The following CSE1L variants were observed in gnomAD, a reference collection of about 807,000 sequenced individuals.
CSE1L encodes chromosome segregation 1 like, also known as exportin-2.
Under a neutral mutation model 120.4 loss-of-function variants are expected in CSE1L, and 24 were observed. The ratio of observed to expected loss-of-function variants is 0.20; its 90% CI spans 0.14 to 0.28. The LOEUF is 0.28. Among genes scored for constraint, CSE1L ranks in the 10% least tolerant of loss-of-function variants. The probability of loss-of-function intolerance (pLI) is 1.00; values close to 1 mark genes in which losing one functional copy is unlikely to be tolerated. For synonymous variants in CSE1L, 402 were observed against 398.3 expected, an observed-to-expected ratio of 1.01 and a Z score of -0.11; for missense variants, 830 against 1,145.2, an observed-to-expected ratio of 0.72 and a Z score of 3.97.
chr20:49,076,656 A>G (rs1009492897), intron 12 of CSE1L, among the ~76,000 whole-genome samples: 2 of 149,504 alleles, frequency 1.3e-5, no homozygotes, highest in African/African-American at 2.5e-5. Context: ...CAGCCTCCCG[A>G]GTAGCTAGAA....
intron 14 of CSE1L, among the ~76,000 whole-genome samples, chr20:49,081,127 G>A (rs544170929): frequency 6.6e-4 from 100 of 151,746 alleles, no homozygotes; most frequent in African/African-American, 2.3e-3. Flanking sequence ...GGGATTACAC[G>A]TGCCTGCCAC....
chr20:49,068,184 T>C (rs556321831), intron 6 of CSE1L, among the ~76,000 whole-genome samples: 1 of 152,262 alleles, frequency 6.6e-6, no homozygotes, highest in Non-Finnish European at 1.5e-5. Flanking sequence ...TATGCACAGA[T>C]TGGGAAGACG....
chr20:49,096,411 T>C lies in CSE1L; in HGVS notation c.2889T>C (p.Leu963=). The C allele has an allele frequency of 6.2e-7, 1 of 1,614,134 alleles. No individual in the cohort carries two copies. Among genetic ancestry groups the C allele is most frequent in the East Asian group, 2.2e-5 (1 of 44,888 alleles). ...AEALQYLQGY[L]QAASVTLL Reference sequence around the variant, plus strand: ...CGCTCCAGTATCTCCAAGGGTACCTTCAGGCAGCCAGTGTGACACTGCTTT... The same window carrying C: ...CGCTCCAGTATCTCCAAGGGTACCTCCAGGCAGCCAGTGTGACACTGCTTT... Residue 963 remains leucine (L), a synonymous_variant, in exon 25 of 25, where the codon CTT becomes CTC. Transcript: ENST00000262982.
At chr20:49,072,194 AT>A in intron 8 of CSE1L, 91 bp from the exon 9 acceptor site, 1 of 1,326,596 alleles carries the variant, frequency 7.5e-7, no homozygotes, top group Non-Finnish European at 1.0e-6. Flanking sequence ...GATTTAATTG[AT>A]AAAGAGTCTA....
At chr20:49,075,196 C>CTT in intron 11 of CSE1L, 122 bp from the exon 12 acceptor site, 1 of 801,448 alleles carries the variant, frequency 1.2e-6, no homozygotes, top group Non-Finnish European at 1.9e-6. Context: ...GTTTTTCGTT[C>CTT]TTTTTTTTCC....
At chr20:49,053,032 C>G (rs992791326) in intron 1 of CSE1L, among the ~76,000 whole-genome samples, 81 of 152,048 alleles carry the variant, frequency 5.3e-4, no homozygotes, top group African/African-American at 1.9e-3. Flanking sequence ...AAAATAAGCC[C>G]TGTGTGGTGG....
intron 1 of CSE1L, among the ~76,000 whole-genome samples, chr20:49,048,533 G>A (rs1048863284): frequency 2.0e-5 from 3 of 152,124 alleles, no homozygotes; most frequent in Admixed American, 1.3e-4. Context: ...CTGAGGAGGT[G>A]ACATTTGGGT....
At chr20:49,076,520 C>CTTTTTTTTTTTTTTTTTTTTTTTTTTT (rs35713931) in intron 12 of CSE1L, among the ~76,000 whole-genome samples, 1 of 79,578 alleles carries the variant, frequency 1.3e-5, no homozygotes, top group Admixed American at 1.5e-4. Flanking sequence ...CCCTCTCTCT[C>CTTTTTTTTTTTTTTTTTTTTTTTTTTT]TTTTTTTTTT....
At chr20:49,055,035 A>G (rs1427469874) in intron 1 of CSE1L, among the ~76,000 whole-genome samples, 1 of 152,198 alleles carries the variant, frequency 6.6e-6, no homozygotes, top group South Asian at 2.1e-4. Context: ...TTTGTGATTC[A>G]TTTGGCACTT....
Position 49,095,008 on chromosome 20 carries a change from T to C in CSE1L, c.2826+45T>C, listed in dbSNP as rs142307422. On this transcript the variant is annotated intron_variant, in intron 24 of 24. Transcript: ENST00000262982. The stretch of plus-strand genomic sequence containing the variant: ...ACTCTGTGATAAATGGAGACTTTAA[T>C]GGGAGGGCAAAAGGATAGTAGTAGT... 8.9e-4 allele frequency: 1,289 copies of C among 1,455,424 alleles called. 12 individuals carry two copies. The African/African-American group carries it at 0.016, about 18-fold the overall frequency. The allele number at this position is 1,455,424 out of a possible 1,614,324, so 90.2% of individuals were successfully genotyped here. A position where few individuals can be genotyped will look rare whatever the true frequency, so the allele number is the denominator to read the frequency against.
chr20:49,065,312 A>AGTTTTTTTT (rs1568769017), intron 3 of CSE1L, among the ~76,000 whole-genome samples: 1 of 79,398 alleles, frequency 1.3e-5, no homozygotes, highest in Non-Finnish European at 2.4e-5. Context: ...ATGAAAAAAA[A>AGTTTTTTTT]ATTTTTTTTT....
rs1568769017 is a variant in CSE1L, at chr20:49,065,312, A to ATTTTTTTTTTTTTTTTTTT, written c.229-880_229-879insTTTTTTTTTTTTTTTTTTT. ...TAGTTTACATATGAAATGAAAAAAA[A>ATTTTTTTTTTTTTTTTTTT]ATTTTTTTTTTTTTTTTTTTTTTTT... On this transcript the variant is annotated intron_variant, in intron 3 of 24. Coordinates refer to ENST00000262982, the MANE Select transcript of CSE1L (RefSeq NM_001316.4). Among the ~76,000 whole-genome samples the ATTTTTTTTTTTTTTTTTTT allele has an allele frequency of 1.3e-4, 10 of 79,404 alleles. 1 individual carries two copies. The highest frequency in any genetic ancestry group is 1.7e-4 in the Non-Finnish European group (7 of 41,268). 52.1% of individuals were successfully genotyped at this position (79,404 alleles called of 152,430 possible).
intron 19 of CSE1L, 26 bp downstream of exon 19, chr20:49,089,772 A>G: frequency 6.2e-7 from 1 of 1,603,386 alleles, no homozygotes; most frequent in Non-Finnish European, 8.5e-7. Flanking sequence ...ATATAACTGT[A>G]ATTTTATAAA....
chr20:49,050,786 C>T (rs539935393), intron 1 of CSE1L, among the ~76,000 whole-genome samples: 2 of 151,902 alleles, frequency 1.3e-5, no homozygotes, highest in South Asian at 4.2e-4. Context: ...CTTGAACGGT[C>T]CTTGGGGTCA....
chr20:49,051,008 G>T (rs914701743), intron 1 of CSE1L, among the ~76,000 whole-genome samples: 7 of 152,144 alleles, frequency 4.6e-5, no homozygotes, highest in African/African-American at 1.7e-4. Context: ...ATATATAACG[G>T]GTGCTCATCA....
intron 1 of CSE1L, among the ~76,000 whole-genome samples, chr20:49,049,230 CT>C (rs374457559): frequency 1.3e-4 from 19 of 148,186 alleles, no homozygotes; most frequent in Admixed American, 3.4e-4. Flanking sequence ...TTCTCCCTCC[CT>C]TTTTTTTTTG....
At chr20:49,068,910 G>C in intron 7 of CSE1L, 88 bp downstream of exon 7, 3 of 932,798 alleles carry the variant, frequency 3.2e-6, no homozygotes, top group Non-Finnish European at 5.0e-6. Context: ...TTCTTTGCCA[G>C]CATTGATTTT....
At chr20:49,074,925 G>C in intron 11 of CSE1L, 75 bp downstream of exon 11, 1 of 1,067,618 alleles carries the variant, frequency 9.4e-7, no homozygotes, top group Non-Finnish European at 1.4e-6. Context: ...TAGTAAATGG[G>C]AGAAGTGGGA....
intron 10 of CSE1L, 147 bp from the exon 11 acceptor site, chr20:49,074,638 T>G: frequency 2.0e-6 from 1 of 503,294 alleles, no homozygotes; most frequent in Non-Finnish European, 3.5e-6. Context: ...CTCTAGATAA[T>G]GATTAAGAGT....
Sources: gnomAD v4.1 joint callset for allele counts (sites outside exome capture counted in the v4.1 genomes callset) on GRCh38, gnomAD v4.1.1 for gene constraint, MANE v1.5 for transcripts, NCBI Gene and HGNC (gene_info 2026-07-23, HGNC 2026-07-21) for gene names.